AGTPBP1: variants seen among roughly 807,000 people sequenced by gnomAD.
The protein encoded by AGTPBP1 is ATP/GTP binding carboxypeptidase 1.
Under a neutral mutation model 143.9 loss-of-function variants are expected in AGTPBP1, and 70 were observed. The observed-to-expected ratio is 0.49, with a 90% CI of 0.40 to 0.59. AGTPBP1 has a LOEUF of 0.59. Among genes scored for constraint, AGTPBP1 ranks in the 20% least tolerant of loss-of-function variants. The pLI, the probability that AGTPBP1 is intolerant of heterozygous loss-of-function variation, is 0.00. For missense variants in AGTPBP1, 1,229 were observed against 1,464.5 expected (o/e 0.84, Z 2.62); for synonymous variants, 463 against 500.2 (o/e 0.93, Z 0.99).
chr9:85,611,583 T>C (rs1051475341), intron 17 of AGTPBP1, among the ~76,000 whole-genome samples: 26 of 151,994 alleles, frequency 1.7e-4, no homozygotes, highest in African/African-American at 4.1e-4. Context: ...CACAACATAA[T>C]TGAAAGACTA....
the AGTPBP1 span, among the ~76,000 whole-genome samples, chr9:85,750,797 TG>T: frequency 2.6e-5 from 4 of 152,280 alleles, no homozygotes; most frequent in South Asian, 4.1e-4. Flanking sequence ...GTTTGGAGCA[TG>T]GGGGTGCTTT....
chr9:85,775,174 C>T, the AGTPBP1 span, among the ~76,000 whole-genome samples: 12 of 151,942 alleles, frequency 7.9e-5, no homozygotes, highest in East Asian at 1.9e-4. Flanking sequence ...CGTGGTGGCA[C>T]GCACCTGTAG....
At chr9:85,801,207 G>A in the AGTPBP1 span, among the ~76,000 whole-genome samples, 1 of 152,126 alleles carries the variant, frequency 6.6e-6, no homozygotes, top group East Asian at 1.9e-4. Context: ...AGCTACTCGG[G>A]AGGCTGAGGC....
chr9:85,625,694 G>A (rs1209661511), intron 14 of AGTPBP1, among the ~76,000 whole-genome samples: 1 of 151,642 alleles, frequency 6.6e-6, no homozygotes, highest in Non-Finnish European at 1.5e-5. Flanking sequence ...GACCATCCTG[G>A]CTAACACAGT....
At chr9:85,628,199 A>G (rs1831420448) in intron 14 of AGTPBP1, among the ~76,000 whole-genome samples, 1 of 152,206 alleles carries the variant, frequency 6.6e-6, no homozygotes, top group Admixed American at 6.5e-5. Flanking sequence ...CATCTAAGTA[A>G]TATGAATAGA....
chr9:85,754,921 T>C, the AGTPBP1 span, among the ~76,000 whole-genome samples: 1 of 151,864 alleles, frequency 6.6e-6, no homozygotes, highest in Non-Finnish European at 1.5e-5. Flanking sequence ...TTGTAGAATA[T>C]ATTTAAGTTA....
intron 1 of AGTPBP1, among the ~76,000 whole-genome samples, chr9:85,715,324 G>A (rs370614837): frequency 3.3e-5 from 5 of 152,042 alleles, no homozygotes; most frequent in South Asian, 4.1e-4. Context: ...GGTTGGTTAT[G>A]TTTAAACCTA....
chr9:85,679,964 T>A (rs1835067928), intron 4 of AGTPBP1, among the ~76,000 whole-genome samples: 1 of 152,226 alleles, frequency 6.6e-6, no homozygotes, highest in Non-Finnish European at 1.5e-5. Flanking sequence ...ATATGGAATT[T>A]ATTTGGGTGT....
In AGTPBP1 at chr9:85,672,687, TA is replaced by T. The variant is rs376074133; in HGVS notation, c.437-7del. 88,220 of 1,027,858 alleles carry T rather than the reference TA, an allele frequency of 0.086. 287 individuals carry two copies. Among genetic ancestry groups the T allele is most frequent in the South Asian group, 0.11 (5,418 of 51,342 alleles). The allele number at this position is 1,027,858 out of a possible 1,614,324, so 63.7% of individuals were successfully genotyped here. ...CTTTACTCCAAATTTTTTATCTGTT[TA>T]AAAAAAAAAAAGACAATTTATGCAC... On this transcript the variant is annotated splice_polypyrimidine_tract_variant and splice_region_variant and intron_variant, in intron 6 of 25. Transcript: ENST00000357081.
At chr9:85,741,190 G>A in intron 1 of AGTPBP1, 1 of 983,286 alleles carries the variant, frequency 1.0e-6, no homozygotes, top group Non-Finnish European at 1.2e-6. Context: ...GCGACAAGTT[G>A]TAAACAGAAG....
At chr9:85,757,004 T>TGGGG in the AGTPBP1 span, among the ~76,000 whole-genome samples, 1 of 148,678 alleles carries the variant, frequency 6.7e-6, no homozygotes, top group Non-Finnish European at 1.5e-5. Flanking sequence ...TTCTTTTTTT[T>TGGGG]GGGGGGGTGA....
chr9:85,798,258 C>A, the AGTPBP1 span, among the ~76,000 whole-genome samples: 1 of 152,054 alleles, frequency 6.6e-6, no homozygotes, highest in Non-Finnish European at 1.5e-5. Flanking sequence ...CTCCTTCTAG[C>A]AGTTTCCTGA....
chr9:85,636,259 C>CTT lies in AGTPBP1; in HGVS notation c.1303-2887_1303-2886dup, dbSNP rs35445993. ...TGATTAAATGCATTTTGTAAGGTTT[C>CTT]TTTTTTTTTTTTTTTTTTTTTGAGA... On this transcript the variant is annotated intron_variant, in intron 13 of 25. Coordinates refer to ENST00000357081, the MANE Select transcript of AGTPBP1 (RefSeq NM_001330701.2). Among the ~76,000 whole-genome samples, 877 of 118,476 alleles carry CTT rather than the reference C, an allele frequency of 7.4e-3. 17 individuals carry two copies. Among genetic ancestry groups the CTT allele is most frequent in the Middle Eastern group, 0.015 (3 of 202 alleles). The allele number at this position is 118,476 out of a possible 152,430, so 77.7% of individuals were successfully genotyped here.
intron 2 of AGTPBP1, among the ~76,000 whole-genome samples, chr9:85,707,346 A>G (rs1171036595): frequency 6.6e-6 from 1 of 152,218 alleles, no homozygotes; most frequent in Admixed American, 6.5e-5. Context: ...AAAAGAGCAC[A>G]TGAAACTCAA....
intron 8 of AGTPBP1, among the ~76,000 whole-genome samples, chr9:85,662,712 G>C (rs778840355): frequency 6.1e-4 from 93 of 151,972 alleles, no homozygotes; most frequent in Non-Finnish European, 6.5e-4. Context: ...AACATGCCTA[G>C]GGCCACATAA....
chr9:85,694,322 T>C (rs1399956514), intron 2 of AGTPBP1, among the ~76,000 whole-genome samples: 2 of 152,146 alleles, frequency 1.3e-5, no homozygotes, highest in Non-Finnish European at 2.9e-5. Context: ...CCCCTTCAAT[T>C]AATCGACTTG....
At chr9:85,553,345 C>T (rs1458035683) in intron 25 of AGTPBP1, among the ~76,000 whole-genome samples, 3 of 152,150 alleles carry the variant, frequency 2.0e-5, no homozygotes, top group East Asian at 3.8e-4. Context: ...AAAACCATTC[C>T]GTTATTTCAG....
intron 25 of AGTPBP1, among the ~76,000 whole-genome samples, chr9:85,556,644 A>G (rs1826361957): frequency 6.6e-6 from 1 of 152,200 alleles, no homozygotes; most frequent in Non-Finnish European, 1.5e-5. Context: ...TATTATGCAA[A>G]AACTAACCAA....
the AGTPBP1 span, chr9:85,755,895 T>C: frequency 2.5e-5 from 12 of 475,150 alleles, no homozygotes; most frequent in African/African-American, 8.1e-5. Context: ...ACAACATAGC[T>C]ACATCTTGAC....
Sources: gnomAD v4.1 joint callset for allele counts (sites outside exome capture counted in the v4.1 genomes callset) on GRCh38, gnomAD v4.1.1 for gene constraint, MANE v1.5 for transcripts, NCBI Gene and HGNC (gene_info 2026-07-23, HGNC 2026-07-21) for gene names.